The following NCF4 variants were observed in gnomAD, a reference collection of about 807,000 sequenced individuals.
NCF4 encodes the protein neutrophil cytosol factor 4.
Under a neutral mutation model 41.7 loss-of-function variants are expected in NCF4, and 30 were observed. The observed-to-expected ratio is 0.72, with a 90% confidence interval of 0.54 to 0.97. NCF4 has a LOEUF of 0.97. Ranked by LOEUF, NCF4 falls within the 50% of genes least tolerant of loss-of-function variation. The pLI, the probability that NCF4 is intolerant of heterozygous loss-of-function variation, is 0.00. For synonymous variants in NCF4, 195 were observed against 175.8 expected (o/e 1.11, Z -0.87); for missense variants, 432 against 460.9 (o/e 0.94, Z 0.57).
chr22:36,870,570 A>T, intron 5 of NCF4, 28 bp downstream of exon 5: 1 of 1,608,012 alleles, frequency 6.2e-7, no homozygotes, highest in East Asian at 2.2e-5. Context: ...GGGCTTCCAC[A>T]TGGCCAGAGC....
rs751637309 is a variant in NCF4 at position 36,872,233 on chromosome 22, A to T, written c.529-94A>T. The T allele has an allele frequency of 3.9e-6, 4 of 1,014,460 alleles. No individual in the cohort carries two copies. The South Asian group carries it at 5.1e-5, about 13-fold the overall frequency. The allele number at this position is 1,014,460 out of a possible 1,614,324, so 62.8% of individuals were successfully genotyped here. A position where few individuals can be genotyped will look rare whatever the true frequency, so the allele number is the denominator to read the frequency against. On this transcript the variant is annotated intron_variant, in intron 6 of 9. Transcript: ENST00000248899. The stretch of plus-strand genomic sequence containing the variant: ...ATTCTCCCCAAGCCTCAGTTTCTAC[A>T]TCTGTAAAATGGGAGACTAAAGTAT...
Position 36,871,699 on chromosome 22 carries a change from C to T in NCF4, c.518C>T (p.Pro173Leu), listed in dbSNP as rs1315752767. 23 of 1,566,558 alleles carry T rather than the reference C, an allele frequency of 1.5e-5. No homozygotes were observed. The highest frequency in any genetic ancestry group is 2.4e-5 in the East Asian group (1 of 42,456). ...QGNSVDRMAAPRAEALFDFTG... is the reference protein window; with the variant it reads ...QGNSVDRMAALRAEALFDFTG... The stretch of plus-strand genomic sequence containing the variant: ...AACAGCGTTGACCGCATGGCAGCTC[C>T]GAGAGCAGAGGTAACCCCCGCCCCC... Residue 173 changes from proline to leucine, a missense_variant, in exon 6 of 10, where the codon CCG becomes CTG. Pro to Leu is a moderately conservative substitution (Grantham distance 98, BLOSUM62 -3). Coordinates refer to ENST00000248899, the MANE Select transcript of NCF4 (RefSeq NM_000631.5).
At chr22:36,862,861 T>A (rs1170027840) in intron 1 of NCF4, among the ~76,000 whole-genome samples, 1 of 152,180 alleles carries the variant, frequency 6.6e-6, no homozygotes, top group East Asian at 1.9e-4. Context: ...GCACCTACTA[T>A]GTGCCAGGTG....
chr22:36,868,087 A>G (rs1259815646), intron 4 of NCF4, among the ~76,000 whole-genome samples: 1 of 152,220 alleles, frequency 6.6e-6, no homozygotes, highest in African/African-American at 2.4e-5. Flanking sequence ...GCAGAGGCCA[A>G]GGTGGTCAGG....
At chr22:36,874,574 T>C (rs1282003601) in intron 7 of NCF4, among the ~76,000 whole-genome samples, 1 of 152,208 alleles carries the variant, frequency 6.6e-6, no homozygotes, top group African/African-American at 2.4e-5. Context: ...ATGTATTGCC[T>C]TCCTGTTTTC....
chr22:36,868,504 G>A (rs1232357310), intron 4 of NCF4, among the ~76,000 whole-genome samples: 1 of 152,208 alleles, frequency 6.6e-6, no homozygotes. Flanking sequence ...GGGCAGAGGA[G>A]GTGGGAGGAA....
rs956389918 is a variant in NCF4 at position 36,863,324 on chromosome 22, A to G, written c.33-721A>G. On this transcript the variant is annotated intron_variant, in intron 1 of 9. Coordinates refer to ENST00000248899, the MANE Select transcript of NCF4 (RefSeq NM_000631.5). ...AGACATAAGTACTTCTCCTGTCCCCATTTTACAGAGGAGGGAAGGAGCGGA... is the reference window on the plus strand; with the variant it reads ...AGACATAAGTACTTCTCCTGTCCCCGTTTTACAGAGGAGGGAAGGAGCGGA... Among the ~76,000 whole-genome samples the G allele has an allele frequency of 1.9e-4, 29 of 151,692 alleles. No individual in the cohort carries two copies. The East Asian group carries it at 5.7e-3, about 30-fold the overall frequency.
intron 1 of NCF4, 38 bp from the exon 2 acceptor site, chr22:36,864,007 G>A: frequency 6.3e-7 from 1 of 1,586,728 alleles, no homozygotes; most frequent in South Asian, 1.1e-5. Flanking sequence ...AACACATCAG[G>A]GTGATAAGCA....
In NCF4 at chr22:36,876,564, T is replaced by G. The variant is rs191396275; in HGVS notation, c.824+470T>G. The stretch of plus-strand genomic sequence containing the variant: ...ACAAAGAAGTGAAATCACCTCATAT[T>G]TTTACTCCCCTCGTTATGTGACGTA... On this transcript the variant is annotated intron_variant, in intron 9 of 9. Transcript: ENST00000248899. Among the ~76,000 whole-genome samples, 3 of 152,294 alleles carry G rather than the reference T, an allele frequency of 2.0e-5. No homozygotes were observed. The East Asian group carries it at 5.8e-4, about 29-fold the overall frequency.
chr22:36,864,733 T>C (rs568996494), intron 2 of NCF4, among the ~76,000 whole-genome samples, 186 bp from the exon 3 acceptor site: 1 of 152,168 alleles, frequency 6.6e-6, no homozygotes, highest in South Asian at 2.1e-4. Context: ...TCTTTTTTTT[T>C]CGCAAAGCTC....
At chr22:36,867,138 T>TGTGTGC (rs1939946116) in intron 3 of NCF4, among the ~76,000 whole-genome samples, 2 of 151,396 alleles carry the variant, frequency 1.3e-5, no homozygotes, top group Admixed American at 6.6e-5. Context: ...TGTGTGTGTG[T>TGTGTGC]GTGTGCGCTT....
rs3221695 is a variant in NCF4, at chr22:36,867,110, C to CGT, written c.272-250_272-249dup. ...ATCCTGCTCTCTTAGAACTAAGAGT[C>CGT]GTGTGTGTGTGTGTGTGTGTGTGTG... On this transcript the variant is annotated intron_variant, in intron 3 of 9. Transcript: ENST00000248899. 0.1 allele frequency among the ~76,000 whole-genome samples: 15,046 copies of CGT among 143,716 alleles called. 886 individuals carry two copies. Among genetic ancestry groups the CGT allele is most frequent in the Middle Eastern group, 0.2 (58 of 286 alleles). 94.3% of individuals were successfully genotyped at this position (143,716 alleles called of 152,430 possible).
intron 1 of NCF4, among the ~76,000 whole-genome samples, chr22:36,862,739 G>C (rs931509374): frequency 2.0e-5 from 3 of 152,220 alleles, no homozygotes; most frequent in African/African-American, 7.2e-5. Flanking sequence ...AGTACAAGGA[G>C]AGGGCGCAGG....
At chr22:36,872,048 T>C (rs1211048229) in intron 6 of NCF4, 1 of 680,034 alleles carries the variant, frequency 1.5e-6, no homozygotes. Context: ...CGATGAAGCC[T>C]GGGGACCAGG....
At position 36,876,022 on chromosome 22, in the gene NCF4, C is replaced by A. The variant is rs146292447; in HGVS notation, c.759-7C>A. 5.4e-5 allele frequency: 87 copies of A among 1,613,534 alleles called. No individual in the cohort carries two copies. The African/African-American group carries it at 9.9e-4, about 18-fold the overall frequency. On this transcript the variant is annotated splice_region_variant and splice_polypyrimidine_tract_variant and intron_variant, in intron 8 of 9. Coordinates refer to ENST00000248899, the MANE Select transcript of NCF4 (RefSeq NM_000631.5). ...TGCCTCCTTACTCCAGCCTGTCACCCCCTTAGGGACATCGCGGTGGAGGAA... is the reference window on the plus strand; with the variant it reads ...TGCCTCCTTACTCCAGCCTGTCACCACCTTAGGGACATCGCGGTGGAGGAA...
At position 36,870,441 on chromosome 22, in the gene NCF4, G is replaced by C. The variant is rs1450546523; in HGVS notation, c.369G>C (p.Val123=). 3 of 1,613,902 alleles carry C rather than the reference G, an allele frequency of 1.9e-6. No individual in the cohort carries two copies. Among genetic ancestry groups the C allele is most frequent in the East Asian group, 4.5e-5 (2 of 44,862 alleles). Residue 123 remains valine (V), a synonymous_variant, in exon 5 of 10, where the codon GTG becomes GTC. Transcript: ENST00000248899. ...MKSLLSLPVW[V]LMDEDVRIFF... Reference sequence around the variant, plus strand: ...GCCTGCTCAGCCTGCCGGTCTGGGTGCTGATGGATGAGGACGTCCGGATCT... The same window carrying C: ...GCCTGCTCAGCCTGCCGGTCTGGGTCCTGATGGATGAGGACGTCCGGATCT...
intron 6 of NCF4, chr22:36,872,088 C>G (rs1436737537): frequency 1.4e-6 from 1 of 707,500 alleles, no homozygotes; most frequent in Non-Finnish European, 2.6e-6. Context: ...AGTTCGAACC[C>G]TTCCCTGTGT....
chr22:36,865,286 C>T lies in NCF4; in HGVS notation c.271+214C>T, dbSNP rs975746964. ...TTCCACCCCAAGCACTCTAGCCTCA[C>T]AGCCCCGGAGCTCTGATGACCATCG... On this transcript the variant is annotated intron_variant, in intron 3 of 9. Coordinates refer to ENST00000248899, the MANE Select transcript of NCF4 (RefSeq NM_000631.5). The surrounding 1 kb of genome is among the most constrained non-coding windows in gnomAD (Gnocchi z 4.3). 6.6e-6 allele frequency among the ~76,000 whole-genome samples: 1 copy of T among 152,164 alleles called. No homozygotes were observed. The highest frequency in any genetic ancestry group is 1.5e-5 in the Non-Finnish European group (1 of 68,018).
At chr22:36,867,123 G>GTGTGTA (rs1939945497) in intron 3 of NCF4, among the ~76,000 whole-genome samples, 1 of 151,072 alleles carries the variant, frequency 6.6e-6, no homozygotes, top group African/African-American at 2.5e-5. Context: ...GTGTGTGTGT[G>GTGTGTA]TGTGTGTGTG....
Sources: allele counts gnomAD v4.1 joint callset (sites outside exome capture counted in the v4.1 genomes callset), GRCh38; gene constraint gnomAD v4.1.1; non-coding constraint Gnocchi (gnomAD v3.1); transcripts MANE v1.5; gene names NCBI Gene and HGNC (gene_info 2026-07-23, HGNC 2026-07-21).